Variants in ICE1 observed in about 807,000 individuals in gnomAD.
ICE1 encodes the protein interactor of little elongation complex ELL subunit 1, also known as little elongation complex subunit 1.
A neutral mutation model predicts 192.7 loss-of-function variants in ICE1; 64 were observed. The observed-to-expected ratio is 0.33, with a 90% CI of 0.27 to 0.41. The LOEUF is 0.41. Ranked by LOEUF, ICE1 falls within the 10% of genes least tolerant of loss-of-function variation. ICE1 has a pLI of 1.00. For missense variants in ICE1, 2,708 were observed against 2,696.0 expected, an observed-to-expected ratio of 1.00 and a Z score of -0.10; for synonymous variants, 1,010 against 984.5, an observed-to-expected ratio of 1.03 and a Z score of -0.49.
In ICE1 at chr5:5,464,136, C is replaced by G. The variant is rs1470404659; in HGVS notation, c.4802C>G (p.Thr1601Ser). ...AATACAAAAACTCAAAGAAGCCAAA[C>G]TCAGACCATTTTAGCAAATGCTGAT... ...KANTKTQRSQ[T>S]QTILANADTS... Residue 1601 changes from threonine (T) to serine (S), a missense_variant, in exon 13 of 19, where the codon ACT (threonine) becomes AGT (serine). Thr to Ser is a moderately conservative substitution (Grantham distance 58). This residue lies in a region of ICE1 where 2,366 missense variants were observed against 2,276.6 expected (regional missense o/e 1.04). Coordinates refer to ENST00000296564, the MANE Select transcript of ICE1 (RefSeq NM_015325.3). The surrounding 1 kb of genome is among the most constrained non-coding windows in gnomAD (Gnocchi z 4.0). 1 of 1,613,648 alleles carries G rather than the reference C, an allele frequency of 6.2e-7. No homozygotes were observed. Among genetic ancestry groups the G allele is most frequent in the South Asian group, 1.1e-5 (1 of 91,080 alleles).
intron 1 of ICE1, among the ~76,000 whole-genome samples, chr5:5,425,310 C>CAAA (rs1248187865): frequency 2.2e-4 from 34 of 152,338 alleles, no homozygotes; most frequent in African/African-American, 7.9e-4. Flanking sequence ...CAGAGGTCTG[C>CAAA]AAACTTTTTC....
intron 1 of ICE1, among the ~76,000 whole-genome samples, chr5:5,435,369 T>C (rs1737838842): frequency 6.6e-6 from 1 of 152,244 alleles, no homozygotes; most frequent in African/African-American, 2.4e-5. Context: ...CAAAATCATT[T>C]GGATTATCTG....
At chr5:5,480,340 C>A (rs1178679185) in intron 17 of ICE1, among the ~76,000 whole-genome samples, 4 of 150,370 alleles carry the variant, frequency 2.7e-5, no homozygotes, top group African/African-American at 9.9e-5. Flanking sequence ...AGCTCCGCCT[C>A]CCGGGTTTGC....
At position 5,463,030 on chromosome 5, in the gene ICE1, T is replaced by C. The variant is rs1002834522; in HGVS notation, c.3696T>C (p.Cys1232=). The part of the protein sequence containing the change: ...QPCEEETLGT[C]EEWIESEEDD... Reference sequence around the variant, plus strand: ...GTGAGGAAGAAACACTTGGAACCTGTGAAGAGTGGATTGAATCAGAGGAAG... The same window carrying C: ...GTGAGGAAGAAACACTTGGAACCTGCGAAGAGTGGATTGAATCAGAGGAAG... The change falls in exon 13 of 19, where the codon TGT becomes TGC. Residue 1232 remains cysteine (C), a synonymous_variant. Coordinates refer to ENST00000296564, the MANE Select transcript of ICE1 (RefSeq NM_015325.3). 5.6e-6 allele frequency: 9 copies of C among 1,613,588 alleles called. No homozygotes were observed. Among genetic ancestry groups the C allele is most frequent in the Non-Finnish European group, 6.8e-6 (8 of 1,179,836 alleles).
intron 17 of ICE1, among the ~76,000 whole-genome samples, chr5:5,478,702 A>T (rs1739412112): frequency 6.6e-6 from 1 of 152,194 alleles, no homozygotes; most frequent in African/African-American, 2.4e-5. Flanking sequence ...ACTATACTAA[A>T]AGGCTATAGA....
chr5:5,479,214 A>G (rs1306811490), intron 17 of ICE1, among the ~76,000 whole-genome samples: 2 of 152,254 alleles, frequency 1.3e-5, no homozygotes, highest in African/African-American at 4.8e-5. Context: ...CAAAGGTCCA[A>G]TATCCAGAAT....
At position 5,457,561 on chromosome 5, in the gene ICE1, A is replaced by G. The variant is rs755666602; in HGVS notation, c.921A>G (p.Leu307=). The G allele has an allele frequency of 6.2e-7, 1 of 1,614,032 alleles. No homozygotes were observed. The change falls in exon 12 of 19, where the codon TTA becomes TTG. Residue 307 remains leucine, a synonymous_variant. Coordinates refer to ENST00000296564, the MANE Select transcript of ICE1 (RefSeq NM_015325.3). ...VFNENGNLEV[L]VQSHRDGGST... ...ATGAGAATGGAAATCTTGAGGTTTT[A>G]GTACAAAGTCATCGTGACGGTGGTA...
At chr5:5,437,054 C>A in intron 2 of ICE1, 26 bp from the exon 3 acceptor site, 1 of 1,356,804 alleles carries the variant, frequency 7.4e-7, no homozygotes, top group Non-Finnish European at 1.0e-6. Context: ...TAAAAAGTAA[C>A]CTAATTTTTC....
intron 1 of ICE1, among the ~76,000 whole-genome samples, chr5:5,427,009 GT>G (rs1349463220): frequency 1.3e-5 from 2 of 152,222 alleles, no homozygotes; most frequent in Admixed American, 1.3e-4. Flanking sequence ...GAACTGTAAT[GT>G]TAGGCTAACT....
chr5:5,463,654 A>T lies in ICE1; in HGVS notation c.4320A>T (p.Thr1440=), dbSNP rs1738877037. ...TCTTGCCACATGTGGACCAGGTCAC[A>T]CTGTGTGACATTCCTGGAGACATCC... ...VAVLPHVDQV[T]LCDIPGDIPI... Residue 1440 remains threonine, a synonymous_variant, in exon 13 of 19, where the codon ACA becomes ACT. Transcript: ENST00000296564. 2 of 1,613,912 alleles carry T rather than the reference A, an allele frequency of 1.2e-6. No homozygotes were observed. The highest frequency in any genetic ancestry group is 1.7e-5 in the Admixed American group (1 of 60,014).
chr5:5,466,942 T>G (rs1345292177), intron 14 of ICE1, among the ~76,000 whole-genome samples: 2 of 152,198 alleles, frequency 1.3e-5, no homozygotes. Flanking sequence ...TGATTCTCTT[T>G]TCTCTTTACT....
At chr5:5,452,893 G>A (rs921253127) in intron 10 of ICE1, among the ~76,000 whole-genome samples, 15 of 152,228 alleles carry the variant, frequency 9.9e-5, no homozygotes, top group African/African-American at 3.6e-4. Context: ...AATTTTAAAG[G>A]ATCAGGGAAA....
At chr5:5,448,960 G>A (rs1561081280) in intron 10 of ICE1, among the ~76,000 whole-genome samples, 2 of 152,198 alleles carry the variant, frequency 1.3e-5, no homozygotes, top group Admixed American at 6.5e-5. Context: ...AATAGAAGAC[G>A]TGACAACGTT....
At chr5:5,459,847 G>A (rs1481355156) in intron 12 of ICE1, among the ~76,000 whole-genome samples, 1 of 152,184 alleles carries the variant, frequency 6.6e-6, no homozygotes, top group Admixed American at 6.5e-5. Context: ...CTGGAGCAGA[G>A]GTGGCTGGAG....
Position 5,464,580 on chromosome 5 carries a change from T to C in ICE1, c.5246T>C (p.Val1749Ala). Residue 1749 changes from valine (V) to alanine (A), a missense_variant, in exon 13 of 19, where the codon GTG becomes GCG. Coordinates refer to ENST00000296564, the MANE Select transcript of ICE1 (RefSeq NM_015325.3). The surrounding 1 kb of genome is among the most constrained non-coding windows in gnomAD (Gnocchi z 4.0). ...AAVGGPQENS[V>A]KILDTMYPEL... The stretch of plus-strand genomic sequence containing the variant: ...GTGGGAGGGCCTCAGGAGAATTCTG[T>C]GAAAATCCTTGACACCATGTATCCA... 1 of 1,611,808 alleles carries C rather than the reference T, an allele frequency of 6.2e-7. No homozygotes were observed. Among genetic ancestry groups the C allele is most frequent in the East Asian group, 2.2e-5 (1 of 44,794 alleles).
At chr5:5,434,480 T>A (rs1464452808) in intron 1 of ICE1, among the ~76,000 whole-genome samples, 1 of 151,872 alleles carries the variant, frequency 6.6e-6, no homozygotes, top group East Asian at 1.9e-4. Flanking sequence ...TTTGTGTGTA[T>A]GTTTATAAGT....
rs565353530 is a variant in ICE1 at position 5,452,317 on chromosome 5, T to G, written c.605-2235T>G. 1.4e-3 allele frequency among the ~76,000 whole-genome samples: 214 copies of G among 151,788 alleles called. 1 individual carries two copies. The highest frequency in any genetic ancestry group is 2.1e-3 in the Non-Finnish European group (140 of 67,898). On this transcript the variant is annotated intron_variant, in intron 10 of 18. Coordinates refer to ENST00000296564, the MANE Select transcript of ICE1 (RefSeq NM_015325.3). ...TGTAGAGAATTTAAAAGACTCAGAG[T>G]TGGAATTAGAAGTAATAGAGCTTGG...
chr5:5,443,751 A>G (rs541876334), intron 6 of ICE1, among the ~76,000 whole-genome samples: 27 of 152,328 alleles, frequency 1.8e-4, no homozygotes, highest in African/African-American at 6.3e-4. Flanking sequence ...TACTATAGTC[A>G]TGTTATTCAC....
At chr5:5,427,413 CTT>C (rs2111328637) in intron 1 of ICE1, among the ~76,000 whole-genome samples, 1 of 152,294 alleles carries the variant, frequency 6.6e-6, no homozygotes, top group African/African-American at 2.4e-5. Context: ...GACATAGTCT[CTT>C]TATTCTGATG....
Sources: gnomAD v4.1 joint callset for allele counts (sites outside exome capture counted in the v4.1 genomes callset) on GRCh38, gnomAD v4.1.1 for gene constraint, gnomAD v4.1.1 regional missense constraint, Gnocchi (gnomAD v3.1) non-coding constraint, MANE v1.5 for transcripts, NCBI Gene and HGNC (gene_info 2026-07-23, HGNC 2026-07-21) for gene names.